Variants in SPTBN1 observed in about 807,000 individuals in gnomAD.
SPTBN1 encodes the protein spectrin beta chain, non-erythrocytic 1.
Under a neutral mutation model 266.4 loss-of-function variants are expected in SPTBN1, and 32 were observed. That is an observed-to-expected ratio of 0.12 (90% CI 0.09 to 0.16). The LOEUF (loss-of-function observed/expected upper bound fraction) is 0.16, where lower values mean the gene tolerates loss of function less well. Among genes scored for constraint, SPTBN1 ranks in the 10% least tolerant of loss-of-function variants. The pLI is 1.00. For missense variants in SPTBN1, 2,296 were observed against 3,067.1 expected (o/e 0.75, Z 5.94); for synonymous variants, 1,336 against 1,162.2 (o/e 1.15, Z -3.04).
chr2:54,667,388 CTGTG>C (rs1558487388), intron 34 of SPTBN1, among the ~76,000 whole-genome samples: 1 of 152,084 alleles, frequency 6.6e-6, no homozygotes, highest in Non-Finnish European at 1.5e-5. Context: ...CACAGGCTCC[CTGTG>C]TGTATCATTG....
chr2:54,581,834 C>T (rs1330664108), intron 2 of SPTBN1, among the ~76,000 whole-genome samples: 1 of 152,162 alleles, frequency 6.6e-6, no homozygotes, highest in African/African-American at 2.4e-5. Flanking sequence ...CTCCGCTAAA[C>T]ATTTTTGTTG....
At chr2:54,661,256 G>A in intron 32 of SPTBN1, 2 of 985,880 alleles carry the variant, frequency 2.0e-6, no homozygotes, top group Non-Finnish European at 2.4e-6. Context: ...AAAAGCTGGT[G>A]ACAGAGATGG....
intron 9 of SPTBN1, among the ~76,000 whole-genome samples, chr2:54,622,981 T>G (rs773697790): frequency 1.3e-5 from 2 of 152,170 alleles, no homozygotes; most frequent in Admixed American, 6.5e-5. Flanking sequence ...CCAAAAAAAG[T>G]TTGATTTTTT....
intron 12 of SPTBN1, among the ~76,000 whole-genome samples, chr2:54,627,428 C>T (rs1430042077): frequency 1.3e-5 from 2 of 152,168 alleles, no homozygotes. Context: ...AAGAAAATAT[C>T]AGTGGGTTCA....
chr2:54,637,666 T>C, intron 17 of SPTBN1, 47 bp from the exon 18 acceptor site: 1 of 1,437,398 alleles, frequency 7.0e-7, no homozygotes, highest in Non-Finnish European at 9.7e-7. Context: ...TATTTCAAGA[T>C]TCTCTACTTC....
chr2:54,538,799 G>A (rs887655389), intron 2 of SPTBN1, among the ~76,000 whole-genome samples: 1 of 152,224 alleles, frequency 6.6e-6, no homozygotes, highest in Non-Finnish European at 1.5e-5. Flanking sequence ...TGTATGTGAA[G>A]TCGCCTTATT....
chr2:54,458,238 T>G (rs1693171147), intron 1 of SPTBN1, among the ~76,000 whole-genome samples: 1 of 152,262 alleles, frequency 6.6e-6, no homozygotes, highest in Non-Finnish European at 1.5e-5. Flanking sequence ...TTTTGGGTTT[T>G]ATGTCACTAA....
intron 1 of SPTBN1, among the ~76,000 whole-genome samples, chr2:54,512,555 T>TA (rs1669915118): frequency 6.6e-6 from 1 of 152,222 alleles, no homozygotes; most frequent in Non-Finnish European, 1.5e-5. Context: ...TTAAAATAAA[T>TA]ATGTTAAAAG....
chr2:54,646,204 A>G lies in SPTBN1; in HGVS notation c.4595A>G (p.Lys1532Arg). ...LLIKKNQTLQ[K>R]EIQGHQPRID... is the part of the protein sequence containing the mutation. Reference sequence around the variant, plus strand: ...TTCCGCTCCCTCCAGACCCTCCAGAAAGAAATCCAGGGGCACCAGCCTCGC... The same window carrying G: ...TTCCGCTCCCTCCAGACCCTCCAGAGAGAAATCCAGGGGCACCAGCCTCGC... Residue 1532 changes from lysine (K) to arginine (R), a missense_variant, in exon 23 of 36, where the codon AAA (lysine) becomes AGA (arginine). By Grantham distance (26) the Lys-to-Arg change is conservative. This residue lies in a region of SPTBN1 where 644 missense variants were observed against 745.3 expected (regional missense o/e 0.86). Transcript: ENST00000356805. This position sits in a 1 kb window ranked among gnomAD's most constrained non-coding sequence, Gnocchi z 4.4. 6.2e-7 allele frequency: 1 copy of G among 1,610,086 alleles called. No homozygotes were observed. Among genetic ancestry groups the G allele is most frequent in the African/African-American group, 1.3e-5 (1 of 74,764 alleles).
At chr2:54,563,567 C>T (rs1673462587) in intron 2 of SPTBN1, among the ~76,000 whole-genome samples, 1 of 148,380 alleles carries the variant, frequency 6.7e-6, no homozygotes, top group South Asian at 2.2e-4. Context: ...TGATTTTATA[C>T]CTCTGAATCA....
At chr2:54,606,570 T>C (rs1676854632) in intron 3 of SPTBN1, among the ~76,000 whole-genome samples, 1 of 152,170 alleles carries the variant, frequency 6.6e-6, no homozygotes, top group African/African-American at 2.4e-5. Flanking sequence ...TGAACAGTTT[T>C]GAACCAGGAG....
At position 54,526,356 on chromosome 2, in the gene SPTBN1, CT is replaced by C; in HGVS notation, c.-47-12del. 6.3e-7 allele frequency: 1 copy of C among 1,588,424 alleles called. No individual in the cohort carries two copies. The highest frequency in any genetic ancestry group is 8.6e-7 in the Non-Finnish European group (1 of 1,167,220). ...CACTTCAGACGTCTAAATGTTTTTC[CT>C]TTTCTTTCTCATAGAACTCTAAGAA... On this transcript the variant is annotated splice_polypyrimidine_tract_variant and intron_variant, in intron 1 of 35. Coordinates refer to ENST00000356805, the MANE Select transcript of SPTBN1 (RefSeq NM_003128.3).
At chr2:54,531,216 T>C (rs1456357299) in intron 2 of SPTBN1, among the ~76,000 whole-genome samples, 1 of 152,222 alleles carries the variant, frequency 6.6e-6, no homozygotes, top group African/African-American at 2.4e-5. Flanking sequence ...ATTTACAGCC[T>C]GCGGCCTGGG....
In SPTBN1 at chr2:54,648,980, T is replaced by C. The variant is rs996013367; in HGVS notation, c.4998-6T>C. 2.5e-6 allele frequency: 4 copies of C among 1,587,592 alleles called. No homozygotes were observed. The highest frequency in any genetic ancestry group is 3.4e-6 in the Non-Finnish European group (4 of 1,161,772). On this transcript the variant is annotated splice_polypyrimidine_tract_variant and splice_region_variant and intron_variant, in intron 24 of 35. Coordinates refer to ENST00000356805, the MANE Select transcript of SPTBN1 (RefSeq NM_003128.3). The stretch of plus-strand genomic sequence containing the variant: ...TTTTCTCCCCATTGCTCCTTTTCTT[T>C]TTCAGTGAGCGCATTAGCATGCGGC...
intron 2 of SPTBN1, chr2:54,529,601 G>T (rs779191179): frequency 2.8e-6 from 2 of 722,312 alleles, no homozygotes; most frequent in South Asian, 2.7e-5. Context: ...CACTGAGTTT[G>T]CCATGAAGAA....
intron 2 of SPTBN1, among the ~76,000 whole-genome samples, chr2:54,557,482 G>A (rs1035758956): frequency 1.3e-5 from 2 of 152,176 alleles, no homozygotes; most frequent in East Asian, 3.9e-4. Flanking sequence ...CTATGTGGAA[G>A]ATTTCATTTT....
intron 1 of SPTBN1, among the ~76,000 whole-genome samples, chr2:54,460,702 T>A (rs1693321778): frequency 6.6e-6 from 1 of 152,162 alleles, no homozygotes; most frequent in Non-Finnish European, 1.5e-5. Context: ...AAATATATGT[T>A]AAAGAATCGT....
At chr2:54,466,359 G>GAAAGTTCATGAGCCTATTA (rs1558749596) in intron 1 of SPTBN1, among the ~76,000 whole-genome samples, 5 of 88,928 alleles carry the variant, frequency 5.6e-5, no homozygotes, top group South Asian at 3.1e-4. Flanking sequence ...TTTATTCTTC[G>GAAAGTTCATGAGCCTATTA]AGACCATCCT....
chr2:54,613,239 A>G (rs568989597), intron 4 of SPTBN1, among the ~76,000 whole-genome samples: 3 of 152,334 alleles, frequency 2.0e-5, no homozygotes, highest in African/African-American at 7.2e-5. Context: ...CAAATATTCT[A>G]ACAGTCCTGT....
Sources: allele counts gnomAD v4.1 joint callset (sites outside exome capture counted in the v4.1 genomes callset), GRCh38; gene constraint gnomAD v4.1.1; regional missense constraint gnomAD v4.1.1; non-coding constraint Gnocchi (gnomAD v3.1); transcripts MANE v1.5; gene names NCBI Gene and HGNC (gene_info 2026-07-23, HGNC 2026-07-21).